Variants in PTPRD observed in about 807,000 individuals in gnomAD.
PTPRD encodes the protein protein tyrosine phosphatase receptor type D, also known as receptor-type tyrosine-protein phosphatase delta.
PTPRD carries 34 observed loss-of-function variants against 214.5 expected under a neutral mutation model. The ratio of observed to expected loss-of-function variants is 0.16; its 90% CI spans 0.12 to 0.21. The LOEUF is 0.21. Ranked by LOEUF, PTPRD falls within the 10% of genes least tolerant of loss-of-function variation. PTPRD has a pLI of 1.00. For synonymous variants in PTPRD, 1,128 were observed against 845.7 expected (o/e 1.33, Z -5.79); for missense variants, 2,545 against 2,398.7 (o/e 1.06, Z -1.27).
At chr9:8,827,584 G>T (rs534854995) in intron 11 of PTPRD, among the ~76,000 whole-genome samples, 1 of 152,180 alleles carries the variant, frequency 6.6e-6, no homozygotes, top group Non-Finnish European at 1.5e-5. Context: ...TCCAGCCTGG[G>T]CAATAGAGTG....
intron 5 of PTPRD, among the ~76,000 whole-genome samples, chr9:9,917,470 A>T (rs1566291064): frequency 7.0e-6 from 1 of 143,342 alleles, no homozygotes; most frequent in African/African-American, 2.6e-5. Flanking sequence ...AAAAAAAAAA[A>T]AATCCAGGAC....
chr9:9,680,535 T>C (rs1390283415), intron 7 of PTPRD, among the ~76,000 whole-genome samples: 1 of 151,834 alleles, frequency 6.6e-6, no homozygotes, highest in African/African-American at 2.4e-5. Context: ...CCAAAAGTGA[T>C]ATACTTAACA....
At chr9:9,780,715 G>C (rs777858458) in intron 5 of PTPRD, among the ~76,000 whole-genome samples, 5 of 152,178 alleles carry the variant, frequency 3.3e-5, no homozygotes, top group Admixed American at 6.5e-5. Flanking sequence ...TTTAAGTCCT[G>C]ACAAGAACCT....
chr9:8,401,116 A>G (rs1359551482), intron 36 of PTPRD, among the ~76,000 whole-genome samples: 1 of 152,084 alleles, frequency 6.6e-6, no homozygotes, highest in Non-Finnish European at 1.5e-5. Flanking sequence ...TTAGCTTCCA[A>G]TATCCAAGTA....
At chr9:9,611,490 GA>G (rs1313609437) in intron 7 of PTPRD, among the ~76,000 whole-genome samples, 1 of 151,878 alleles carries the variant, frequency 6.6e-6, no homozygotes, top group Non-Finnish European at 1.5e-5. Flanking sequence ...TCTTTAATTG[GA>G]AATACTGTTA....
intron 5 of PTPRD, among the ~76,000 whole-genome samples, chr9:9,842,744 T>A (rs1466643392): frequency 6.6e-6 from 1 of 151,986 alleles, no homozygotes; most frequent in Non-Finnish European, 1.5e-5. Flanking sequence ...ATCAGTGTTG[T>A]GCTTCATACA....
At chr9:10,121,644 A>G (rs750657557) in intron 3 of PTPRD, among the ~76,000 whole-genome samples, 1 of 152,216 alleles carries the variant, frequency 6.6e-6, no homozygotes, top group Non-Finnish European at 1.5e-5. Flanking sequence ...TCTGTCTATG[A>G]GAATCTTCCA....
intron 12 of PTPRD, among the ~76,000 whole-genome samples, chr9:8,708,848 G>A (rs868386536): frequency 6.6e-6 from 1 of 152,110 alleles, no homozygotes; most frequent in Non-Finnish European, 1.5e-5. Context: ...CAACCTAAGT[G>A]TCCATCAATG....
At chr9:8,915,550 C>T (rs557177758) in intron 11 of PTPRD, among the ~76,000 whole-genome samples, 2 of 152,146 alleles carry the variant, frequency 1.3e-5, no homozygotes, top group South Asian at 4.1e-4. Context: ...CACACACACA[C>T]ATATATGTGC....
chr9:8,466,103 G>C (rs915439676), intron 31 of PTPRD, among the ~76,000 whole-genome samples: 1 of 151,892 alleles, frequency 6.6e-6, no homozygotes, highest in African/African-American at 2.4e-5. Flanking sequence ...CCACATTTTA[G>C]AAGAGGTTAG....
At chr9:8,812,223 C>T (rs777222230) in intron 11 of PTPRD, among the ~76,000 whole-genome samples, 2 of 152,148 alleles carry the variant, frequency 1.3e-5, no homozygotes, top group Non-Finnish European at 2.9e-5. Context: ...CAAGCTGCTA[C>T]ATTATTTCTA....
intron 8 of PTPRD, among the ~76,000 whole-genome samples, chr9:9,481,027 G>T (rs1027443231): frequency 1.3e-5 from 2 of 152,120 alleles, no homozygotes; most frequent in East Asian, 1.9e-4. Flanking sequence ...CTATATGATG[G>T]ATTTAATTTT....
At chr9:8,565,222 C>T (rs905372516) in intron 14 of PTPRD, among the ~76,000 whole-genome samples, 1 of 151,192 alleles carries the variant, frequency 6.6e-6, no homozygotes, top group Non-Finnish European at 1.5e-5. Flanking sequence ...GCTGGAGGAC[C>T]GGGGAGTTTA....
chr9:8,457,790 C>CAAT (rs373373460), intron 33 of PTPRD, among the ~76,000 whole-genome samples: 28 of 151,746 alleles, frequency 1.8e-4, no homozygotes, highest in African/African-American at 4.3e-4. Flanking sequence ...AATATTCTGA[C>CAAT]AATAATAATA....
intron 3 of PTPRD, among the ~76,000 whole-genome samples, chr9:10,133,460 T>C (rs2098917342): frequency 6.6e-6 from 1 of 152,040 alleles, no homozygotes; most frequent in Non-Finnish European, 1.5e-5. Context: ...ATGAATATAA[T>C]ACAAGAATAA....
At chr9:10,051,323 A>G (rs1400987463) in intron 3 of PTPRD, among the ~76,000 whole-genome samples, 1 of 152,080 alleles carries the variant, frequency 6.6e-6, no homozygotes, top group Non-Finnish European at 1.5e-5. Flanking sequence ...ACCAGTACTC[A>G]TTCTTCTCCT....
chr9:8,673,088 C>T (rs1368154634), intron 12 of PTPRD, among the ~76,000 whole-genome samples: 1 of 152,070 alleles, frequency 6.6e-6, no homozygotes, highest in Non-Finnish European at 1.5e-5. Flanking sequence ...TATCCTTACA[C>T]ATCTTACCAT....
intron 2 of PTPRD, among the ~76,000 whole-genome samples, chr9:10,510,750 G>A (rs535114091): frequency 1.1e-4 from 17 of 152,124 alleles, no homozygotes; most frequent in Admixed American, 2.6e-4. Flanking sequence ...TTAAAATTTA[G>A]AGTAAATTAT....
intron 5 of PTPRD, among the ~76,000 whole-genome samples, chr9:9,801,262 C>T (rs1052380170): frequency 6.6e-6 from 1 of 151,636 alleles, no homozygotes; most frequent in Non-Finnish European, 1.5e-5. Flanking sequence ...CCTCTCTTGA[C>T]AAAGTAAAGC....
Sources: allele counts gnomAD v4.1 joint callset (sites outside exome capture counted in the v4.1 genomes callset), GRCh38; gene constraint gnomAD v4.1.1; transcripts MANE v1.5; gene names NCBI Gene and HGNC (gene_info 2026-07-23, HGNC 2026-07-21).